ZFHX3: variants seen among roughly 807,000 people sequenced by gnomAD.
ZFHX3 encodes the protein zinc finger homeobox 3.
Under a neutral mutation model 279.1 loss-of-function variants are expected in ZFHX3, and 42 were observed. The observed-to-expected ratio is 0.15, with a 90% CI of 0.12 to 0.19. The LOEUF is 0.19. ZFHX3 is among the 10% of genes least tolerant of loss of function. The pLI is 1.00. For missense variants in ZFHX3, 4,981 were observed against 4,754.0 expected, an observed-to-expected ratio of 1.05 and a Z score of -1.40; for synonymous variants, 2,293 against 1,957.8, an observed-to-expected ratio of 1.17 and a Z score of -4.52.
chr16:72,894,383 C>T (rs2038845594), intron 3 of ZFHX3, among the ~76,000 whole-genome samples: 1 of 152,178 alleles, frequency 6.6e-6, no homozygotes, highest in African/African-American at 2.4e-5. Flanking sequence ...TGACCTTCTC[C>T]ACATCATTCG....
At chr16:72,952,539 A>T (rs1191323691) in intron 2 of ZFHX3, among the ~76,000 whole-genome samples, 2 of 152,218 alleles carry the variant, frequency 1.3e-5, no homozygotes, top group Non-Finnish European at 2.9e-5. Context: ...GGCCCTCTAC[A>T]GAGTGCACAG....
intron 4 of ZFHX3, among the ~76,000 whole-genome samples, chr16:73,297,783 T>C (rs987750738): frequency 6.6e-6 from 1 of 152,050 alleles, no homozygotes; most frequent in Admixed American, 6.5e-5. Flanking sequence ...CTCCATTTCT[T>C]CTCTGGAAAG....
chr16:73,553,480 G>A lies in ZFHX3; in HGVS notation c.-1546-97222C>T, dbSNP rs565230649. Reference sequence around the variant, plus strand: ...GATCTCCCTTCTCCATCTAAAAGGTGAGCAGAGTCCAGACCAGGGCTCTGG... The same window carrying A: ...GATCTCCCTTCTCCATCTAAAAGGTAAGCAGAGTCCAGACCAGGGCTCTGG... On this transcript the variant is annotated intron_variant, in intron 2 of 17. Transcript: ENST00000641206. 1.1e-4 allele frequency among the ~76,000 whole-genome samples: 16 copies of A among 152,280 alleles called. No homozygotes were observed. In the South Asian group the frequency reaches 3.1e-3, roughly 30 times the overall value.
intron 1 of ZFHX3, among the ~76,000 whole-genome samples, chr16:73,864,044 G>T (rs1351321455): frequency 6.6e-6 from 1 of 152,098 alleles, no homozygotes; most frequent in Non-Finnish European, 1.5e-5. Flanking sequence ...ATCTCACCTT[G>T]TGCATTTGCC....
At chr16:73,111,161 G>C (rs561633779) in intron 7 of ZFHX3, among the ~76,000 whole-genome samples, 4 of 152,100 alleles carry the variant, frequency 2.6e-5, no homozygotes, top group Non-Finnish European at 4.4e-5. Context: ...GGCTGGTCTC[G>C]ATCTCCTGGC....
intron 2 of ZFHX3, among the ~76,000 whole-genome samples, chr16:73,564,262 T>A (rs117593127): frequency 0.07 from 10,607 of 152,248 alleles, 485 homozygotes; most frequent in Non-Finnish European, 0.095. Context: ...GCTCTCTGCA[T>A]AACCCCAGGT....
Position 73,507,485 on chromosome 16 carries a change from CTTTTTTTTTTTTTTTT to C in ZFHX3, c.-1546-51243_-1546-51228del, listed in dbSNP as rs752001880. Among the ~76,000 whole-genome samples, 24 of 79,790 alleles carry C rather than the reference CTTTTTTTTTTTTTTTT, an allele frequency of 3.0e-4. 1 individual carries two copies. Among genetic ancestry groups the C allele is most frequent in the Non-Finnish European group, 4.3e-4 (20 of 46,962 alleles). 52.3% of individuals were successfully genotyped at this position (79,790 alleles called of 152,430 possible). ...AAATGCGTGAAATTCAGCTCTGCCA[CTTTTTTTTTTTTTTTT>C]TTTTTTTTTTTTGAGACAGGGTCTC... On this transcript the variant is annotated intron_variant, in intron 2 of 17. Transcript: ENST00000641206.
chr16:73,246,921 T>G (rs1418148342), intron 5 of ZFHX3, among the ~76,000 whole-genome samples: 1 of 152,210 alleles, frequency 6.6e-6, no homozygotes, highest in Non-Finnish European at 1.5e-5. Context: ...TACTCCTTCA[T>G]GTATGTGTGT....
At chr16:73,818,375 C>G (rs2142345679) in intron 1 of ZFHX3, among the ~76,000 whole-genome samples, 1 of 152,276 alleles carries the variant, frequency 6.6e-6, no homozygotes, top group South Asian at 2.1e-4. Flanking sequence ...CTGACATTAA[C>G]TCAGCCCCCA....
intron 2 of ZFHX3, chr16:73,499,607 A>G (rs2019200706): frequency 6.6e-6 from 1 of 152,234 alleles, no homozygotes; most frequent in Non-Finnish European, 1.5e-5. Flanking sequence ...AGAACCAATG[A>G]AAGCAAATTT....
In ZFHX3 at chr16:73,244,764, C is replaced by T. The variant is rs533308335; in HGVS notation, c.-1104+12283G>A. Among the ~76,000 whole-genome samples the T allele has an allele frequency of 1.4e-4, 21 of 152,230 alleles. No homozygotes were observed. The East Asian group carries it at 2.7e-3, about 20-fold the overall frequency. On this transcript the variant is annotated intron_variant, in intron 5 of 17. Transcript: ENST00000641206. ...AAGGACAGGAGAGACTGCCTTTGCACGGACAGCAACCAGGAGATCTCCCAG... is the reference window on the plus strand; with the variant it reads ...AAGGACAGGAGAGACTGCCTTTGCATGGACAGCAACCAGGAGATCTCCCAG...
intron 3 of ZFHX3, among the ~76,000 whole-genome samples, chr16:73,366,323 A>AT (rs1221878329): frequency 6.6e-6 from 1 of 152,178 alleles, no homozygotes; most frequent in African/African-American, 2.4e-5. Flanking sequence ...CATTATGAAG[A>AT]TTTTGTAGCA....
At chr16:73,575,168 T>G (rs2051786831) in intron 2 of ZFHX3, among the ~76,000 whole-genome samples, 2 of 152,346 alleles carry the variant, frequency 1.3e-5, no homozygotes, top group African/African-American at 4.8e-5. Flanking sequence ...TAACATATTA[T>G]GCATTAAATT....
intron 3 of ZFHX3, among the ~76,000 whole-genome samples, chr16:72,892,009 A>T (rs183733912): frequency 2.0e-5 from 3 of 152,250 alleles, no homozygotes; most frequent in South Asian, 4.1e-4. Flanking sequence ...AATGCCCTGC[A>T]CTCCACGCAA....
At chr16:72,989,434 A>G (rs1484844868) in intron 1 of ZFHX3, among the ~76,000 whole-genome samples, 1 of 151,304 alleles carries the variant, frequency 6.6e-6, no homozygotes, top group Non-Finnish European at 1.5e-5. Flanking sequence ...GTGGGCCAAG[A>G]TTGTGTCACT....
rs565478124 is a variant in ZFHX3, at chr16:73,847,204, G to C, written c.-1608+44447C>G. On this transcript the variant is annotated intron_variant, in intron 1 of 17. Coordinates refer to the ZFHX3 transcript ENST00000641206. Reference sequence around the variant, plus strand: ...CAATCGCAGCTACTCAGGAGGCTGAGGCAGGAGAATCACTCAAACCCAGGA... The same window carrying C: ...CAATCGCAGCTACTCAGGAGGCTGACGCAGGAGAATCACTCAAACCCAGGA... Among the ~76,000 whole-genome samples, 3 of 152,306 alleles carry C rather than the reference G, an allele frequency of 2.0e-5. No homozygotes were observed. In the South Asian group the frequency reaches 6.2e-4, roughly 32 times the overall value.
chr16:73,484,767 G>A (rs1430788415), intron 2 of ZFHX3, among the ~76,000 whole-genome samples: 1 of 152,156 alleles, frequency 6.6e-6, no homozygotes. Flanking sequence ...GATGAGAAGG[G>A]GCTCTCTGGA....
chr16:73,222,173 T>G (rs1312406059), intron 5 of ZFHX3, among the ~76,000 whole-genome samples: 1 of 152,092 alleles, frequency 6.6e-6, no homozygotes, highest in African/African-American at 2.4e-5. Flanking sequence ...AGATACTAAG[T>G]GTGAATAATC....
rs572233414 is a variant in ZFHX3, at chr16:73,529,855, G to A, written c.-1546-73597C>T. On this transcript the variant is annotated intron_variant, in intron 2 of 17. Coordinates refer to the ZFHX3 transcript ENST00000641206. ...AGGGGATCATAGGCTGTGTGATGAC[G>A]CGTAGCAACCAGGCAGCAGAAATTT... Among the ~76,000 whole-genome samples the A allele has an allele frequency of 7.9e-5, 12 of 152,254 alleles. No homozygotes were observed. In the East Asian group the frequency reaches 1.5e-3, roughly 20 times the overall value.
Sources: allele counts gnomAD v4.1 joint callset (sites outside exome capture counted in the v4.1 genomes callset), GRCh38; gene constraint gnomAD v4.1.1; transcripts MANE v1.5; gene names NCBI Gene and HGNC (gene_info 2026-07-23, HGNC 2026-07-21).